The following LGMN variants were observed in gnomAD, a reference collection of about 807,000 sequenced individuals.
LGMN encodes the protein asparaginyl endopeptidase.
Under a neutral mutation model 56.8 loss-of-function variants are expected in LGMN, and 36 were observed. The ratio of observed to expected loss-of-function variants is 0.63; its 90% CI spans 0.49 to 0.84. LGMN has a LOEUF of 0.84. Ranked by LOEUF, LGMN falls within the 40% of genes least tolerant of loss-of-function variation. The probability of loss-of-function intolerance (pLI) is 0.00; values close to 1 mark genes in which losing one functional copy is unlikely to be tolerated. For synonymous variants in LGMN, 199 were observed against 210.1 expected, an observed-to-expected ratio of 0.95 and a Z score of 0.46; for missense variants, 446 against 556.1, an observed-to-expected ratio of 0.80 and a Z score of 1.99.
At chr14:92,739,692 G>A (rs1398074491) in intron 1 of LGMN, among the ~76,000 whole-genome samples, 1 of 152,218 alleles carries the variant, frequency 6.6e-6, no homozygotes, top group Non-Finnish European at 1.5e-5. Context: ...TGTAAAAGGG[G>A]AAGAAACTAT....
chr14:92,722,531 CCGAGATTACACCACTGCA>C (rs77791327), intron 2 of LGMN, among the ~76,000 whole-genome samples: 13,495 of 152,024 alleles, frequency 0.089, 749 homozygotes, highest in African/African-American at 0.15. Flanking sequence ...TTGCAGTGAG[CCGAGATTACACCACTGCA>C]CTCCAGCCTG....
intron 2 of LGMN, among the ~76,000 whole-genome samples, chr14:92,728,005 ACT>A (rs1467346744): frequency 6.6e-6 from 1 of 152,246 alleles, no homozygotes; most frequent in Non-Finnish European, 1.5e-5. Context: ...TGCCAGCAAC[ACT>A]GAGTCTATGT....
rs367844264 is a variant in LGMN, at chr14:92,713,005, G to A, written c.544-134C>T. 1.5e-5 allele frequency: 10 copies of A among 675,724 alleles called. 1 individual carries two copies. Among genetic ancestry groups the A allele is most frequent in the South Asian group, 6.3e-5 (3 of 47,272 alleles). The allele number at this position is 675,724 out of a possible 1,614,324, so 41.9% of individuals were successfully genotyped here. On this transcript the variant is annotated intron_variant, in intron 7 of 13. Coordinates refer to ENST00000334869, the MANE Select transcript of LGMN (RefSeq NM_005606.7). ...GCTTGCTTCTGGAGACATTACTGCT[G>A]TAAAGAGGCTGCTGCCAGAAGCTAT...
chr14:92,704,958 G>A, intron 12 of LGMN: 1 of 431,794 alleles, frequency 2.3e-6, no homozygotes, highest in Admixed American at 3.3e-5. Context: ...CTGAGGGCAG[G>A]ACTCCTGACA....
Position 92,748,611 on chromosome 14 carries a change from T to C in LGMN, c.-152A>G, listed in dbSNP as rs949512198. 5 of 153,188 alleles carry C rather than the reference T, an allele frequency of 3.3e-5. No homozygotes were observed. The highest frequency in any genetic ancestry group is 5.9e-5 in the Non-Finnish European group (4 of 68,228). 9.5% of individuals were successfully genotyped at this position (153,188 alleles called of 1,614,324 possible). A position where few individuals can be genotyped will look rare whatever the true frequency, so the allele number is the denominator to read the frequency against. On this transcript the variant is annotated 5_prime_UTR_variant, in exon 1 of 14. Coordinates refer to ENST00000334869, the MANE Select transcript of LGMN (RefSeq NM_005606.7). The stretch of plus-strand genomic sequence containing the variant: ...AGCCTCACACCAAACACCCACGACG[T>C]CGGCACTGCTGTGATTGCTGCGGGC...
At chr14:92,711,513 A>G (rs1044814098) in intron 10 of LGMN, 146 bp downstream of exon 10, 1 of 757,498 alleles carries the variant, frequency 1.3e-6, no homozygotes, top group Non-Finnish European at 2.3e-6. Flanking sequence ...GGTCCCCAGG[A>G]TGGAGTGGCA....
intron 2 of LGMN, among the ~76,000 whole-genome samples, chr14:92,726,713 G>A (rs1001607873): frequency 1.3e-5 from 2 of 151,972 alleles, no homozygotes; most frequent in South Asian, 2.1e-4. Flanking sequence ...CTTCTCCCTC[G>A]CTTCCTCCTC....
Position 92,732,708 on chromosome 14 carries a change from C to A in LGMN, c.79G>T (p.Gly27Cys). 6.2e-7 allele frequency: 1 copy of A among 1,614,214 alleles called. No homozygotes were observed. The highest frequency in any genetic ancestry group is 8.5e-7 in the Non-Finnish European group (1 of 1,180,034). Residue 27 changes from glycine (G) to cysteine (C), a missense_variant, in exon 2 of 14, where the codon GGC (glycine) becomes TGC (cysteine). Transcript: ENST00000334869. Reference protein sequence around the residue: ...AVPIDDPEDGGKHWVVIVAGS... With the variant: ...AVPIDDPEDGCKHWVVIVAGS... ...GCCACGATCACCACCCAGTGCTTGCCTCCATCTTCAGGATCATCTATAGGA... is the reference window on the plus strand; with the variant it reads ...GCCACGATCACCACCCAGTGCTTGCATCCATCTTCAGGATCATCTATAGGA...
At chr14:92,746,659 C>T (rs550392908) in intron 1 of LGMN, among the ~76,000 whole-genome samples, 1 of 152,274 alleles carries the variant, frequency 6.6e-6, no homozygotes, top group South Asian at 2.1e-4. Context: ...ATGTGGCTTC[C>T]TGGACATTCA....
Position 92,712,806 on chromosome 14 carries a change from A to G in LGMN, c.609T>C (p.Asn203=), listed in dbSNP as rs1889854374. The G allele has an allele frequency of 3.1e-6, 5 of 1,613,520 alleles. No homozygotes were observed. Among genetic ancestry groups the G allele is most frequent in the African/African-American group, 1.3e-5 (1 of 74,900 alleles). The part of the protein sequence containing the change: ...SMMNHLPDNI[N]VYATTAANPR... ...GAGGCCGGCGCCCCAACCACCTACC[A>G]TTGATGTTATCCGGCAGGTGGTTCA... is the stretch of plus-strand genomic sequence containing the variant. Residue 203 remains asparagine, a splice_region_variant and synonymous_variant, in exon 8 of 14, where the codon AAT becomes AAC. Coordinates refer to ENST00000334869, the MANE Select transcript of LGMN (RefSeq NM_005606.7).
At chr14:92,719,157 TGCCACCAC>T (rs1566923613) in intron 2 of LGMN, among the ~76,000 whole-genome samples, 20 of 39,700 alleles carry the variant, frequency 5.0e-4, no homozygotes, top group African/African-American at 1.6e-3. Flanking sequence ...CCACCGCCAC[TGCCACCAC>T]CACCACCACC....
intron 1 of LGMN, among the ~76,000 whole-genome samples, chr14:92,734,686 C>T (rs1408360106): frequency 6.6e-6 from 1 of 152,082 alleles, no homozygotes; most frequent in Non-Finnish European, 1.5e-5. Flanking sequence ...AGTACATGCT[C>T]TCTTTTATAC....
rs77138827 is a variant in LGMN, at chr14:92,709,534, C to T, written c.1020+138G>A. ...CGGCTCCGCCCACCCGCTTCCGTTA[C>T]ATGGAGGACAAAGGCTGGCTTCTGT... is the stretch of plus-strand genomic sequence containing the variant. On this transcript the variant is annotated intron_variant, in intron 11 of 13. Transcript: ENST00000334869. The T allele has an allele frequency of 6.9e-3, 5,007 of 730,652 alleles. 178 individuals carry two copies. In the African/African-American group the frequency reaches 0.078, roughly 11 times the overall value. The allele number at this position is 730,652 out of a possible 1,614,324, so 45.3% of individuals were successfully genotyped here.
intron 5 of LGMN, among the ~76,000 whole-genome samples, chr14:92,715,213 G>GT (rs200746693): frequency 0.014 from 1,656 of 118,014 alleles, 34 homozygotes; most frequent in African/African-American, 0.048. Flanking sequence ...TGGTCAGGGT[G>GT]GGTGTGTGTG....
Position 92,706,595 on chromosome 14 carries a change from T to C in LGMN, c.1079A>G (p.Glu360Gly). The C allele has an allele frequency of 6.2e-7, 1 of 1,603,298 alleles. No homozygotes were observed. The highest frequency in any genetic ancestry group is 8.5e-7 in the Non-Finnish European group (1 of 1,171,304). Residue 360 changes from glutamate (E) to glycine (G), a missense_variant, in exon 12 of 14, where the codon GAG becomes GGG. Coordinates refer to ENST00000334869, the MANE Select transcript of LGMN (RefSeq NM_005606.7). The part of the protein sequence containing the change: ...RKIVSLLAAS[E>G]AEVEQLLSER... ...GGACAGGAGCTGCTCCACCTCAGCC[T>C]CGGACGCTGCCAGCAAGGAGACGAT...
At chr14:92,712,751 G>A (rs369201995) in intron 8 of LGMN, 54 bp downstream of exon 8, 9 of 1,543,438 alleles carry the variant, frequency 5.8e-6, no homozygotes, top group African/African-American at 5.4e-5. Context: ...TGTCAGCGGT[G>A]TCTGAGCAAC....
At chr14:92,725,463 G>A (rs1272864494) in intron 2 of LGMN, among the ~76,000 whole-genome samples, 1 of 152,134 alleles carries the variant, frequency 6.6e-6, no homozygotes, top group Admixed American at 6.5e-5. Flanking sequence ...AGGATCCCTC[G>A]AGCCCAGGAG....
intron 4 of LGMN, 38 bp from the exon 5 acceptor site, chr14:92,716,259 C>T (rs376962504): frequency 9.6e-6 from 14 of 1,458,090 alleles, no homozygotes; most frequent in South Asian, 2.3e-5. Context: ...ATGCAGCTGT[C>T]GCTCCAACCC....
At chr14:92,731,819 G>A (rs774583255) in intron 2 of LGMN, among the ~76,000 whole-genome samples, 6 of 152,176 alleles carry the variant, frequency 3.9e-5, no homozygotes, top group African/African-American at 9.7e-5. Flanking sequence ...ACTTAGGAGC[G>A]GAATTGCTGG....
Sources: gnomAD v4.1 joint callset for allele counts (sites outside exome capture counted in the v4.1 genomes callset) on GRCh38, gnomAD v4.1.1 for gene constraint, MANE v1.5 for transcripts, NCBI Gene and HGNC (gene_info 2026-07-23, HGNC 2026-07-21) for gene names.